CROT: variants seen among roughly 807,000 people sequenced by gnomAD.
The protein encoded by CROT is peroxisomal carnitine O-octanoyltransferase.
CROT carries 84 observed loss-of-function variants against 89.2 expected under a neutral mutation model. That is an observed-to-expected ratio of 0.94 (90% confidence interval 0.79 to 1.13). The LOEUF (loss-of-function observed/expected upper bound fraction) is 1.13, where lower values mean the gene tolerates loss of function less well. CROT is among the 50% of genes most tolerant of loss of function. The probability of loss-of-function intolerance (pLI) is 0.00; values close to 1 mark genes in which losing one functional copy is unlikely to be tolerated. For missense variants in CROT, 711 were observed against 727.8 expected (o/e 0.98, Z 0.27); for synonymous variants, 212 against 239.5 (o/e 0.89, Z 1.06).
chr7:87,361,901 G>A (rs752892358), intron 6 of CROT, 49 bp downstream of exon 6: 4 of 1,519,664 alleles, frequency 2.6e-6, no homozygotes, highest in Non-Finnish European at 3.5e-6. Flanking sequence ...TGGAATTTGG[G>A]TAGCCTACTA....
At position 87,355,307 on chromosome 7, in the gene CROT, C is replaced by T. The variant is rs186953346; in HGVS notation, c.116-3899C>T. 3.9e-3 allele frequency among the ~76,000 whole-genome samples: 598 copies of T among 152,094 alleles called. 2 individuals are homozygous for T. Among genetic ancestry groups the T allele is most frequent in the Non-Finnish European group, 6.0e-3 (410 of 67,992 alleles). ...TAGAAATGGAGCTTTGCCATGTTGC[C>T]CAGGCTGGTCTTGAACTCCTGCCCT... is the stretch of plus-strand genomic sequence containing the variant. On this transcript the variant is annotated intron_variant, in intron 3 of 17. Transcript: ENST00000331536.
intron 13 of CROT, among the ~76,000 whole-genome samples, chr7:87,383,124 G>C (rs1807077187): frequency 6.6e-6 from 1 of 152,094 alleles, no homozygotes; most frequent in Non-Finnish European, 1.5e-5. Flanking sequence ...AATGTTCCAA[G>C]TCTTCTCTTC....
intron 6 of CROT, among the ~76,000 whole-genome samples, chr7:87,366,179 G>T (rs1806441022): frequency 6.6e-6 from 1 of 152,114 alleles, no homozygotes; most frequent in African/African-American, 2.4e-5. Flanking sequence ...TTCTCTAAAA[G>T]ATGTTACTAA....
At chr7:87,361,192 G>GATC (rs1806256447) in intron 4 of CROT, among the ~76,000 whole-genome samples, 198 bp from the exon 5 acceptor site, 1 of 151,756 alleles carries the variant, frequency 6.6e-6, no homozygotes, top group African/African-American at 2.4e-5. Flanking sequence ...CTAGGTCCTG[G>GATC]ACTCAAGTGA....
At chr7:87,397,014 G>A (rs762979981) in intron 17 of CROT, among the ~76,000 whole-genome samples, 7 of 151,844 alleles carry the variant, frequency 4.6e-5, no homozygotes, top group Non-Finnish European at 8.8e-5. Context: ...GGTTATAAAC[G>A]TATCCTTTCT....
At chr7:87,353,157 T>G (rs1805930871) in intron 3 of CROT, among the ~76,000 whole-genome samples, 1 of 151,966 alleles carries the variant, frequency 6.6e-6, no homozygotes, top group African/African-American at 2.4e-5. Context: ...TTATTTTTCT[T>G]TTTTTTTTGA....
chr7:87,370,990 G>A (rs754528824), intron 7 of CROT, among the ~76,000 whole-genome samples: 1 of 152,196 alleles, frequency 6.6e-6, no homozygotes, highest in Non-Finnish European at 1.5e-5. Context: ...GGTTGTGTGT[G>A]TTGCAATACA....
At chr7:87,393,428 CAATATT>C (rs1483810904) in intron 17 of CROT, among the ~76,000 whole-genome samples, 2 of 152,028 alleles carry the variant, frequency 1.3e-5, no homozygotes, top group African/African-American at 4.8e-5. Flanking sequence ...TAGTCATAGA[CAATATT>C]AATGAGATAG....
intron 10 of CROT, among the ~76,000 whole-genome samples, chr7:87,380,200 A>G (rs1425185007): frequency 6.6e-6 from 1 of 152,278 alleles, no homozygotes; most frequent in African/African-American, 2.4e-5. Context: ...CATAATTTTA[A>G]TTGTTTGAAT....
chr7:87,398,665 A>G lies in CROT; in HGVS notation c.*21A>G. ...TTTAGAGATGAATCATCTATTAAGC[A>G]CTTACCAAAACATATCATTAAACTG... On this transcript the variant is annotated 3_prime_UTR_variant, in exon 18 of 18. Coordinates refer to ENST00000331536, the MANE Select transcript of CROT (RefSeq NM_021151.4). 1 of 1,607,956 alleles carries G rather than the reference A, an allele frequency of 6.2e-7. No homozygotes were observed.
chr7:87,370,941 TGTAGGAGTTCCTTACATTCTGG>T (rs1806612561), intron 7 of CROT, among the ~76,000 whole-genome samples: 2 of 152,220 alleles, frequency 1.3e-5, no homozygotes, highest in South Asian at 4.1e-4. Context: ...GTGTGAATGT[TGTAGGAGTTCCTTACATTCTGG>T]GTAAGAGTTC....
At chr7:87,357,468 C>G in intron 3 of CROT, 1 of 1,551,498 alleles carries the variant, frequency 6.4e-7, no homozygotes, top group South Asian at 1.2e-5. Flanking sequence ...CAGGCTGAAT[C>G]TCCTCAGCAT....
At chr7:87,378,326 A>G (rs1806875218) in intron 10 of CROT, among the ~76,000 whole-genome samples, 1 of 142,518 alleles carries the variant, frequency 7.0e-6, no homozygotes, top group African/African-American at 2.6e-5. Flanking sequence ...AGCCTGGGAA[A>G]CAGACTGAGA....
chr7:87,357,576 G>A lies in CROT; in HGVS notation c.116-1630G>A, dbSNP rs1055409782. The A allele has an allele frequency of 8.5e-6, 11 of 1,292,362 alleles. No individual in the cohort carries two copies. The East Asian group carries it at 1.3e-4, about 15-fold the overall frequency. 80.1% of individuals were successfully genotyped at this position (1,292,362 alleles called of 1,614,324 possible). A position where few individuals can be genotyped will look rare whatever the true frequency, so the allele number is the denominator to read the frequency against. On this transcript the variant is annotated intron_variant, in intron 3 of 17. Coordinates refer to ENST00000331536, the MANE Select transcript of CROT (RefSeq NM_021151.4). Reference sequence around the variant, plus strand: ...AAGAGAGGGTTCTTGGATCTCACGCGGGAAGGAATTCAAGGTGAGTTGCAG... The same window carrying A: ...AAGAGAGGGTTCTTGGATCTCACGCAGGAAGGAATTCAAGGTGAGTTGCAG...
chr7:87,382,490 G>A lies in CROT; in HGVS notation c.1248G>A (p.Pro416=), dbSNP rs150042382. The A allele has an allele frequency of 3.7e-4, 590 of 1,613,878 alleles. No individual in the cohort carries two copies. Among genetic ancestry groups the A allele is most frequent in the Non-Finnish European group, 4.5e-4 (530 of 1,179,854 alleles). ...KKLTKNKMLH[P]DTFIQLALQL... The stretch of plus-strand genomic sequence containing the variant: ...TAACCAAGAACAAGATGCTTCACCC[G>A]GATACGTTTATTCAGCTTGCACTTC... The change falls in exon 13 of 18, where the codon CCG becomes CCA. Residue 416 remains proline (P), a synonymous_variant. Transcript: ENST00000331536.
Position 87,392,839 on chromosome 7 carries a change from G to T in CROT, c.1598+16G>T, listed in dbSNP as rs760955777. 1 of 1,610,342 alleles carries T rather than the reference G, an allele frequency of 6.2e-7. No homozygotes were observed. The highest frequency in any genetic ancestry group is 1.7e-5 in the Admixed American group (1 of 59,506). On this transcript the variant is annotated intron_variant, in intron 16 of 17. Coordinates refer to ENST00000331536, the MANE Select transcript of CROT (RefSeq NM_021151.4). ...TTTCCAAAAGGTAATATAGTGTAGT[G>T]TTTTACAGCTTCATCAATTGGCTTC...
intron 13 of CROT, among the ~76,000 whole-genome samples, chr7:87,384,666 T>C (rs778311277): frequency 4.6e-5 from 7 of 152,230 alleles, no homozygotes; most frequent in Non-Finnish European, 1.0e-4. Context: ...TTTTCTCCCA[T>C]TCTGTGGGCT....
chr7:87,359,431 T>C, intron 4 of CROT, 101 bp downstream of exon 4: 1 of 1,464,564 alleles, frequency 6.8e-7, no homozygotes, highest in Non-Finnish European at 9.0e-7. Context: ...ATTTTTACAG[T>C]TATTATTGTT....
At chr7:87,347,803 T>A (rs1409679414) in intron 2 of CROT, among the ~76,000 whole-genome samples, 3 of 152,142 alleles carry the variant, frequency 2.0e-5, no homozygotes, top group Non-Finnish European at 4.4e-5. Context: ...GCTGTTTAGT[T>A]CGTCACTACC....
Sources: gnomAD v4.1 joint callset for allele counts (sites outside exome capture counted in the v4.1 genomes callset) on GRCh38, gnomAD v4.1.1 for gene constraint, MANE v1.5 for transcripts, NCBI Gene and HGNC (gene_info 2026-07-23, HGNC 2026-07-21) for gene names.